SMG1: variants seen among roughly 807,000 people sequenced by gnomAD.
SMG1 encodes SMG1 nonsense mediated mRNA decay associated PI3K related kinase.
SMG1 carries 22 observed loss-of-function variants against 419.9 expected under a neutral mutation model. That is an observed-to-expected ratio of 0.05 (90% CI 0.04 to 0.07). The LOEUF (loss-of-function observed/expected upper bound fraction) is 0.07, where lower values mean the gene tolerates loss of function less well. Ranked by LOEUF, SMG1 falls within the 10% of genes least tolerant of loss-of-function variation. The pLI is 1.00. For synonymous variants in SMG1, 1,538 were observed against 1,553.5 expected, an observed-to-expected ratio of 0.99 and a Z score of 0.23; for missense variants, 3,185 against 4,342.0, an observed-to-expected ratio of 0.73 and a Z score of 7.49.
At position 18,838,673 on chromosome 16, in the gene SMG1, G is replaced by A. The variant is rs1435500777; in HGVS notation, c.6962C>T (p.Thr2321Ile). The change falls in exon 43 of 63, where the codon ACT becomes ATT. Residue 2321 changes from threonine to isoleucine, a missense_variant. Physicochemically the swap from Thr to Ile is moderately conservative, Grantham distance 89 (BLOSUM62 -1). This residue lies in a region of SMG1 where 132 missense variants were observed against 151.0 expected (regional missense o/e 0.87). Transcript: ENST00000446231. ...GTATCCAACCATAGACATGACTGCA[G>A]TAGATCTTGCATAAGACTAAAGGAA... ...WRVTQSYARS[T>I]AVMSMVGYII... 1 of 1,604,950 alleles carries A rather than the reference G, an allele frequency of 6.2e-7. No individual in the cohort carries two copies. The highest frequency in any genetic ancestry group is 8.5e-7 in the Non-Finnish European group (1 of 1,175,930).
At chr16:18,834,839 G>A in intron 49 of SMG1, 53 bp downstream of exon 49, 2 of 1,553,730 alleles carry the variant, frequency 1.3e-6, no homozygotes, top group Non-Finnish European at 1.8e-6. Flanking sequence ...TTTTAGGTTT[G>A]GGATTAAAAA....
intron 62 of SMG1, 147 bp from the exon 63 acceptor site, chr16:18,809,793 T>TA (rs1278275322): frequency 1.7e-6 from 1 of 602,130 alleles, no homozygotes; most frequent in Non-Finnish European, 3.0e-6. Context: ...AATTTTCATA[T>TA]AAAATGTAAT....
intron 60 of SMG1, 63 bp downstream of exon 60, chr16:18,815,112 T>A: frequency 4.8e-6 from 5 of 1,041,946 alleles, no homozygotes; most frequent in Non-Finnish European, 7.2e-6. Flanking sequence ...TATGTATAAT[T>A]AAACATCTTA....
At chr16:18,896,352 A>C (rs1259196587) in intron 2 of SMG1, 145 bp from the exon 3 acceptor site, 2 of 724,578 alleles carry the variant, frequency 2.8e-6, no homozygotes, top group South Asian at 1.6e-5. Flanking sequence ...TCTGCCTTGA[A>C]AATCATTTTG....
chr16:18,876,679 T>TTA (rs1555500385), intron 12 of SMG1, among the ~76,000 whole-genome samples: 18 of 151,462 alleles, frequency 1.2e-4, no homozygotes, highest in East Asian at 3.9e-4. Flanking sequence ...TTTTTTTTTT[T>TTA]AAATAATCAA....
chr16:18,879,403 C>T (rs1354605251), intron 11 of SMG1, 92 bp downstream of exon 11: 1 of 1,287,756 alleles, frequency 7.8e-7, no homozygotes, highest in African/African-American at 1.5e-5. Flanking sequence ...GCATGAGCCA[C>T]CATGCCCAGA....
rs373767883 is a variant in SMG1, at chr16:18,859,702, G to A, written c.3807C>T (p.Asp1269=). 9 of 1,591,720 alleles carry A rather than the reference G, an allele frequency of 5.7e-6. No homozygotes were observed. In the East Asian group the frequency reaches 6.7e-5, roughly 12 times the overall value. The change falls in exon 27 of 63, where the codon GAC becomes GAT. Residue 1269 remains aspartate (D), a splice_region_variant and synonymous_variant. Coordinates refer to ENST00000446231, the MANE Select transcript of SMG1 (RefSeq NM_015092.5). The part of the protein sequence containing the change: ...LLAGGSKEKI[D]MKKLLPNMLS... ...ACATGTTAGGAAGCAGTTTTTTCAT[G>A]TCTACCAAAGTTAAATAAAACGTCA...
At chr16:18,918,895 C>CA (rs200845240) in intron 1 of SMG1, among the ~76,000 whole-genome samples, 178 of 149,826 alleles carry the variant, frequency 1.2e-3, no homozygotes, top group African/African-American at 4.0e-3. Flanking sequence ...AAGACTGTCT[C>CA]AAAAAAAAAG....
Position 18,861,013 on chromosome 16 carries a change from T to G in SMG1, c.3696-237A>C, listed in dbSNP as rs2035188098. The G allele has an allele frequency of 9.9e-6, 4 of 402,058 alleles. No individual in the cohort carries two copies. The South Asian group carries it at 1.1e-4, about 11-fold the overall frequency. The allele number at this position is 402,058 out of a possible 1,614,324, so 24.9% of individuals were successfully genotyped here. A position where few individuals can be genotyped will look rare whatever the true frequency, so the allele number is the denominator to read the frequency against. ...GAAAGTCACAGCTACAGACTTTCAG[T>G]GGAGCTGACTCGCCCCTGTGTCTCC... On this transcript the variant is annotated intron_variant, in intron 25 of 62. Transcript: ENST00000446231.
intron 1 of SMG1, among the ~76,000 whole-genome samples, chr16:18,912,819 G>A (rs901797360): frequency 1.3e-5 from 2 of 151,960 alleles, no homozygotes; most frequent in African/African-American, 4.8e-5. Flanking sequence ...TATAAACTAC[G>A]ACTTCAGGTT....
At chr16:18,908,064 C>G (rs2037640850) in intron 1 of SMG1, among the ~76,000 whole-genome samples, 1 of 151,932 alleles carries the variant, frequency 6.6e-6, no homozygotes, top group Non-Finnish European at 1.5e-5. Context: ...CCCTCCCCGA[C>G]CAGTTAAATG....
At position 18,845,474 on chromosome 16, in the gene SMG1, T is replaced by C. The variant is rs111412639; in HGVS notation, c.6174A>G (p.Pro2058=). Residue 2058 remains proline (P), a synonymous_variant, in exon 39 of 63, where the codon CCA becomes CCG. Coordinates refer to ENST00000446231, the MANE Select transcript of SMG1 (RefSeq NM_015092.5). ...TGCTCCCAGGCTTTGCAGGGTTCAA[T>C]GGAGTCTTCAGTTTTTCTAGGGCAT... The part of the protein sequence containing the change: ...IENALEKLKT[P]LNPAKPGSSW... 38 of 1,614,018 alleles carry C rather than the reference T, an allele frequency of 2.4e-5. No homozygotes were observed. Among genetic ancestry groups the C allele is most frequent in the African/African-American group, 2.3e-4 (17 of 75,070 alleles).
intron 30 of SMG1, among the ~76,000 whole-genome samples, 165 bp downstream of exon 30, chr16:18,854,487 TATAA>T (rs1373715769): frequency 6.6e-6 from 1 of 152,204 alleles, no homozygotes; most frequent in Non-Finnish European, 1.5e-5. Flanking sequence ...AGCACAGAAT[TATAA>T]AGGTAAGTCA....
Position 18,876,363 on chromosome 16 carries a change from C to G in SMG1, c.1651G>C (p.Ala551Pro). The change falls in exon 13 of 63, where the codon GCA becomes CCA. Residue 551 changes from alanine to proline, a missense_variant. By Grantham distance (27) the Ala-to-Pro change is conservative (BLOSUM62 -1). Transcript: ENST00000446231. ...GGAATATTCTTCAAGCTGAGCACTG[C>G]TTGATAAACAGCATGGGCTACAGCA... The part of the protein sequence containing the change: ...VVAVAHAVYQ[A>P]VLSLKNIPVL... The G allele has an allele frequency of 6.2e-7, 1 of 1,610,488 alleles. No homozygotes were observed.
Position 18,847,902 on chromosome 16 carries a change from A to G in SMG1, c.5755T>C (p.Leu1919=). Residue 1919 remains leucine (L), a synonymous_variant, in exon 37 of 63, where the codon TTA becomes CTA. Coordinates refer to ENST00000446231, the MANE Select transcript of SMG1 (RefSeq NM_015092.5). ...DSNKDEPKSG[L]NEDQAMMQDC... Reference sequence around the variant, plus strand: ...TGCATCATGGCTTGGTCTTCATTTAATCCACTTTTAGGTTCATCCTTATTG... The same window carrying G: ...TGCATCATGGCTTGGTCTTCATTTAGTCCACTTTTAGGTTCATCCTTATTG... The G allele has an allele frequency of 6.2e-7, 1 of 1,614,024 alleles. No individual in the cohort carries two copies.
chr16:18,879,581 C>T lies in SMG1; in HGVS notation c.1432G>A (p.Val478Ile). 2 of 1,302,440 alleles carry T rather than the reference C, an allele frequency of 1.5e-6. No individual in the cohort carries two copies. Among genetic ancestry groups the T allele is most frequent in the Non-Finnish European group, 2.1e-6 (2 of 932,808 alleles). 80.7% of individuals were successfully genotyped at this position (1,302,440 alleles called of 1,614,324 possible). Reference protein sequence around the residue: ...DPSMTIHCDMVITYGLDQLEN... With the variant: ...DPSMTIHCDMIITYGLDQLEN... The stretch of plus-strand genomic sequence containing the variant: ...AGTTGGTCTAATCCATATGTAATGA[C>T]CATGTCACAATGTATAGTCATGCTA... The change falls in exon 11 of 63, where the codon GTC (valine) becomes ATC (isoleucine). Residue 478 changes from valine (V) to isoleucine (I), a missense_variant. Around this residue, in one of 27 missense-constraint regions of SMG1, gnomAD observed 297 missense variants for 491.0 expected, o/e 0.60. Coordinates refer to ENST00000446231, the MANE Select transcript of SMG1 (RefSeq NM_015092.5).
Position 18,816,514 on chromosome 16 carries a change from G to A in SMG1, c.10090C>T (p.His3364Tyr). 1 of 1,613,898 alleles carries A rather than the reference G, an allele frequency of 6.2e-7. No homozygotes were observed. The highest frequency in any genetic ancestry group is 8.5e-7 in the Non-Finnish European group (1 of 1,179,826). The part of the protein sequence containing the change: ...LLQRVDTGLE[H>Y]PIGSSEWLLS... ...AGCCATTCAGAGCTGCCAATAGGAT[G>A]TTCAAGACCAGTGTCCTAAATAGAA... Residue 3364 changes from histidine (H) to tyrosine (Y), a missense_variant, in exon 58 of 63, where the codon CAT (histidine) becomes TAT (tyrosine). His to Tyr is a moderately conservative substitution (Grantham distance 83). Transcript: ENST00000446231.
At chr16:18,887,783 A>G (rs1322983747) in intron 6 of SMG1, among the ~76,000 whole-genome samples, 1 of 135,646 alleles carries the variant, frequency 7.4e-6, no homozygotes, top group Non-Finnish European at 1.5e-5. Flanking sequence ...AAAAAAAAAA[A>G]AAAAAAAAAA....
At position 18,866,754 on chromosome 16, in the gene SMG1, T is replaced by C. The variant is rs753676035; in HGVS notation, c.3217A>G (p.Ile1073Val). The change falls in exon 23 of 63, where the codon ATT becomes GTT. Residue 1073 changes from isoleucine to valine, a missense_variant. Ile to Val is a conservative substitution (Grantham distance 29). Transcript: ENST00000446231. ...LSQGNELEVT[I>V]MMVVEALCEL... Reference sequence around the variant, plus strand: ...CATAATGCTTCTACCACCATCATAATGGTTACTTCCAATTCATTCCCCTGA... The same window carrying C: ...CATAATGCTTCTACCACCATCATAACGGTTACTTCCAATTCATTCCCCTGA... 4.9e-5 allele frequency: 79 copies of C among 1,597,210 alleles called. 2 individuals are homozygous for C. In the South Asian group the frequency reaches 8.0e-4, roughly 16 times the overall value.
Sources: allele counts gnomAD v4.1 joint callset (sites outside exome capture counted in the v4.1 genomes callset), GRCh38; gene constraint gnomAD v4.1.1; regional missense constraint gnomAD v4.1.1; transcripts MANE v1.5; gene names NCBI Gene and HGNC (gene_info 2026-07-23, HGNC 2026-07-21).